The following PLCD1 variants were observed in gnomAD, a reference collection of about 807,000 sequenced individuals.
The protein encoded by PLCD1 is 1-phosphatidylinositol 4,5-bisphosphate phosphodiesterase delta-1.
A neutral mutation model predicts 87.4 loss-of-function variants in PLCD1; 71 were observed. The ratio of observed to expected loss-of-function variants is 0.81; its 90% CI spans 0.67 to 0.99. PLCD1 has a LOEUF of 0.99. Among genes scored for constraint, PLCD1 ranks in the 50% least tolerant of loss-of-function variants. The pLI, the probability that PLCD1 is intolerant of heterozygous loss-of-function variation, is 0.00. For synonymous variants in PLCD1, 348 were observed against 399.2 expected, an observed-to-expected ratio of 0.87 and a Z score of 1.53; for missense variants, 867 against 1,001.5, an observed-to-expected ratio of 0.87 and a Z score of 1.81.
intron 1 of PLCD1, among the ~76,000 whole-genome samples, chr3:38,028,901 C>G (rs1297295342): frequency 6.6e-6 from 1 of 152,264 alleles, no homozygotes; most frequent in Non-Finnish European, 1.5e-5. Context: ...TGGCCCTGTC[C>G]CCCGAGGAGG....
chr3:38,008,241 T>C lies in PLCD1; in HGVS notation c.2029A>G (p.Asn677Asp). ...GCCCAGGCCCAGCACCTACCATTGT[T>C]GGTGATGACAGCAGTCTGGCGGCTG... Reference protein sequence around the residue: ...VASRQTAVITNNGFNPWWDTE... With the variant: ...VASRQTAVITDNGFNPWWDTE... Residue 677 changes from asparagine (N) to aspartate (D), a missense_variant, in exon 13 of 15, where the codon AAC (asparagine) becomes GAC (aspartate). Physicochemically the swap from Asn to Asp is conservative, Grantham distance 23. Coordinates refer to ENST00000334661, the MANE Select transcript of PLCD1 (RefSeq NM_006225.4). The C allele has an allele frequency of 6.2e-7, 1 of 1,614,088 alleles. No homozygotes were observed. Among genetic ancestry groups the C allele is most frequent in the Non-Finnish European group, 8.5e-7 (1 of 1,180,024 alleles).
At chr3:38,020,153 C>A (rs956714054) in intron 2 of PLCD1, 35 bp downstream of exon 2, 1 of 1,596,532 alleles carries the variant, frequency 6.3e-7, no homozygotes, top group Admixed American at 1.7e-5. Context: ...AGATTCCACA[C>A]TCTATCCCCT....
intron 11 of PLCD1, 54 bp downstream of exon 11, chr3:38,008,988 G>T: frequency 6.9e-7 from 1 of 1,446,974 alleles, no homozygotes; most frequent in Non-Finnish European, 9.7e-7. Context: ...CAGGCCCCCG[G>T]CCTTGGGACT....
Position 38,018,512 on chromosome 3 carries a change from A to G in PLCD1, c.199+1676T>C, listed in dbSNP as rs543734953. On this transcript the variant is annotated intron_variant, in intron 2 of 14. Coordinates refer to ENST00000334661, the MANE Select transcript of PLCD1 (RefSeq NM_006225.4). The surrounding 1 kb of genome is among the most constrained non-coding windows in gnomAD (Gnocchi z 5.7). ...TGCCCATCTGCTCACAGCTGTCCCAATACAAGGTCCTCCTCTCGCCAGCTC... is the reference window on the plus strand; with the variant it reads ...TGCCCATCTGCTCACAGCTGTCCCAGTACAAGGTCCTCCTCTCGCCAGCTC... Among the ~76,000 whole-genome samples, 1 of 152,090 alleles carries G rather than the reference A, an allele frequency of 6.6e-6. No individual in the cohort carries two copies. Among genetic ancestry groups the G allele is most frequent in the Admixed American group, 6.5e-5 (1 of 15,272 alleles).
At chr3:38,024,353 G>A in intron 1 of PLCD1, 1 of 1,612,872 alleles carries the variant, frequency 6.2e-7, no homozygotes, top group Non-Finnish European at 8.5e-7. Flanking sequence ...TCCGTCCATT[G>A]AGCGCCGCCA....
chr3:38,016,693 G>C lies in PLCD1; in HGVS notation c.226C>G (p.Arg76Gly). The change falls in exon 3 of 15, where the codon CGA becomes GGA. Residue 76 changes from arginine to glycine, a missense_variant. By Grantham distance (125) the Arg-to-Gly change is moderately radical. Coordinates refer to ENST00000334661, the MANE Select transcript of PLCD1 (RefSeq NM_006225.4). ...LFSIEDIQEV[R>G]MGHRTEGLEK... ...AGACCCTCCGTGCGGTGCCCCATTC[G>C]CACCTCCTGAATGTCCTCGATGGAG... The C allele has an allele frequency of 1.1e-5, 18 of 1,565,994 alleles. No homozygotes were observed. Among genetic ancestry groups the C allele is most frequent in the Non-Finnish European group, 1.6e-5 (18 of 1,154,260 alleles).
chr3:38,019,006 T>C (rs919178516), intron 2 of PLCD1: 1 of 152,276 alleles, frequency 6.6e-6, no homozygotes, highest in African/African-American at 2.4e-5. Context: ...TGGCAGGCCA[T>C]ACCTTCTCAG....
intron 11 of PLCD1, 82 bp downstream of exon 11, chr3:38,008,960 G>T: frequency 2.7e-6 from 3 of 1,131,832 alleles, no homozygotes; most frequent in Non-Finnish European, 2.7e-6. Flanking sequence ...GAGCTCCACT[G>T]CATGGCCTTC....
At chr3:38,009,017 T>C in intron 11 of PLCD1, 25 bp downstream of exon 11, 1 of 1,581,746 alleles carries the variant, frequency 6.3e-7, no homozygotes. Flanking sequence ...CCTCCAGGCC[T>C]CCTCCAGCCC....
chr3:38,026,608 A>G (rs1045655123), intron 1 of PLCD1, among the ~76,000 whole-genome samples: 3 of 152,250 alleles, frequency 2.0e-5, no homozygotes, highest in Admixed American at 6.5e-5. Context: ...CTGTGGCACA[A>G]AAAGTTAAGA....
At position 38,010,491 on chromosome 3, in the gene PLCD1, T is replaced by C; in HGVS notation, c.862A>G (p.Ser288Gly). The change falls in exon 6 of 15, where the codon AGC becomes GGC. Residue 288 changes from serine (S) to glycine (G), a missense_variant. Transcript: ENST00000334661. ...YLLSADGSAF[S>G]LAHRRVYQDM... ...TGGTAGACACGGCGGTGTGCCAGGC[T>C]GAAGGCGCTGCCGTCAGCCGACAGT... The C allele has an allele frequency of 6.2e-7, 1 of 1,614,008 alleles. No individual in the cohort carries two copies. The highest frequency in any genetic ancestry group is 1.1e-5 in the South Asian group (1 of 91,078).
chr3:38,020,368 A>G lies in PLCD1; in HGVS notation c.35-16T>C. The G allele has an allele frequency of 6.2e-7, 1 of 1,613,252 alleles. No homozygotes were observed. The highest frequency in any genetic ancestry group is 1.3e-5 in the African/African-American group (1 of 75,030). On this transcript the variant is annotated splice_polypyrimidine_tract_variant and intron_variant, in intron 1 of 14. Transcript: ENST00000334661. ...TCCTGTAGGCCTGGGGATCAAAGCC[A>G]GTAAGATGCCACCTTCTCCACTAGT...
Position 38,007,603 on chromosome 3 carries a change from G to A in PLCD1, c.*170C>T, listed in dbSNP as rs2125542001. 4.3e-6 allele frequency: 3 copies of A among 704,486 alleles called. No individual in the cohort carries two copies. Among genetic ancestry groups the A allele is most frequent in the Admixed American group, 2.0e-5 (1 of 49,974 alleles). 43.6% of individuals were successfully genotyped at this position (704,486 alleles called of 1,614,324 possible). On this transcript the variant is annotated 3_prime_UTR_variant, in exon 15 of 15. Transcript: ENST00000334661. ...GAATGAAGGACAGCTCCAGGGACTG[G>A]GCTAGCTCCTGGTCCCCAGGGAGGC...
rs749335449 is a variant in PLCD1 at position 38,009,924 on chromosome 3, T to G, written c.1267A>C (p.Asn423His). 1.9e-6 allele frequency: 3 copies of G among 1,611,042 alleles called. No homozygotes were observed. The highest frequency in any genetic ancestry group is 2.5e-6 in the Non-Finnish European group (3 of 1,178,540). The change falls in exon 8 of 15, where the codon AAC becomes CAC. Residue 423 changes from asparagine to histidine, a missense_variant. By Grantham distance (68) the Asn-to-His change is moderately conservative. Transcript: ENST00000334661. ...LLNRPLDGVT[N>H]SLPSPEQLKG... ...CACACCTCAGGGGAGGGCAGGCTGTTGGTGACCCCATCCAGTGGTCGGTTC... is the reference window on the plus strand; with the variant it reads ...CACACCTCAGGGGAGGGCAGGCTGTGGGTGACCCCATCCAGTGGTCGGTTC...
At chr3:38,022,617 C>T (rs1045467123) in intron 1 of PLCD1, among the ~76,000 whole-genome samples, 1 of 152,182 alleles carries the variant, frequency 6.6e-6, no homozygotes, top group African/African-American at 2.4e-5. Context: ...GCCCTATCTA[C>T]AGTCAGGCAG....
At chr3:38,013,167 G>A (rs1387074376) in intron 3 of PLCD1, among the ~76,000 whole-genome samples, 1 of 151,554 alleles carries the variant, frequency 6.6e-6, no homozygotes, top group Non-Finnish European at 1.5e-5. Flanking sequence ...TAGGACTAGA[G>A]GTGTGAGCCG....
intron 3 of PLCD1, among the ~76,000 whole-genome samples, chr3:38,016,051 AC>A (rs1386893728): frequency 6.6e-6 from 1 of 151,108 alleles, no homozygotes; most frequent in African/African-American, 2.4e-5. Flanking sequence ...TGTATACCCC[AC>A]CCCCCAACTC....
chr3:38,023,479 C>T (rs1247723693), intron 1 of PLCD1, among the ~76,000 whole-genome samples: 2 of 152,096 alleles, frequency 1.3e-5, no homozygotes, highest in Non-Finnish European at 2.9e-5. Flanking sequence ...TCTCAATAAC[C>T]CTCTGAGGAA....
rs1700178417 is a variant in PLCD1, at chr3:38,017,673, A to G, written c.200-954T>C. Reference sequence around the variant, plus strand: ...CAGGCTCTGCCCCTGCCATACCTCCATCCTGAGCCATCCTCATCCATCTGT... The same window carrying G: ...CAGGCTCTGCCCCTGCCATACCTCCGTCCTGAGCCATCCTCATCCATCTGT... On this transcript the variant is annotated intron_variant, in intron 2 of 14. Coordinates refer to ENST00000334661, the MANE Select transcript of PLCD1 (RefSeq NM_006225.4). This position sits in a 1 kb window ranked among gnomAD's most constrained non-coding sequence, Gnocchi z 4.7. 6.6e-6 allele frequency among the ~76,000 whole-genome samples: 1 copy of G among 152,018 alleles called. No homozygotes were observed.
Sources: gnomAD v4.1 joint callset for allele counts (sites outside exome capture counted in the v4.1 genomes callset) on GRCh38, gnomAD v4.1.1 for gene constraint, Gnocchi (gnomAD v3.1) non-coding constraint, MANE v1.5 for transcripts, NCBI Gene and HGNC (gene_info 2026-07-23, HGNC 2026-07-21) for gene names.